Variants in CACNA2D2 observed in about 807,000 individuals in gnomAD.
CACNA2D2 encodes the protein voltage-dependent calcium channel subunit alpha-2/delta-2.
A neutral mutation model predicts 166.4 loss-of-function variants in CACNA2D2; 48 were observed. The ratio of observed to expected loss-of-function variants is 0.29; its 90% CI spans 0.23 to 0.37. The LOEUF (loss-of-function observed/expected upper bound fraction) is 0.37, where lower values mean the gene tolerates loss of function less well. CACNA2D2 is among the 10% of genes least tolerant of loss of function. CACNA2D2 has a pLI of 1.00. For missense variants in CACNA2D2, 1,122 were observed against 1,433.0 expected (o/e 0.78, Z 3.50); for synonymous variants, 561 against 573.7 (o/e 0.98, Z 0.32).
At chr3:50,490,965 C>G (rs376570420) in intron 1 of CACNA2D2, among the ~76,000 whole-genome samples, 79 of 152,320 alleles carry the variant, frequency 5.2e-4, no homozygotes, top group African/African-American at 1.8e-3. Flanking sequence ...AGTGGGACAA[C>G]AGGTGGGTCC....
chr3:50,449,259 C>T (rs1342008691), intron 2 of CACNA2D2, among the ~76,000 whole-genome samples: 6 of 152,192 alleles, frequency 3.9e-5, no homozygotes, highest in African/African-American at 1.4e-4. Flanking sequence ...CAACCCTGGA[C>T]CTAGGACCTC....
At chr3:50,498,632 A>G (rs1340001110) in intron 1 of CACNA2D2, among the ~76,000 whole-genome samples, 1 of 152,224 alleles carries the variant, frequency 6.6e-6, no homozygotes, top group African/African-American at 2.4e-5. Flanking sequence ...CACTGGGGCT[A>G]TAAGCACTGG....
chr3:50,491,637 A>G (rs1698526961), intron 1 of CACNA2D2, among the ~76,000 whole-genome samples: 1 of 152,196 alleles, frequency 6.6e-6, no homozygotes, highest in Non-Finnish European at 1.5e-5. Flanking sequence ...ACTCTGTGAG[A>G]ACAGGCGACA....
At chr3:50,426,469 C>T (rs970800266) in intron 3 of CACNA2D2, among the ~76,000 whole-genome samples, 1 of 152,164 alleles carries the variant, frequency 6.6e-6, no homozygotes, top group African/African-American at 2.4e-5. Context: ...GGGGTGACAC[C>T]AGTCAGGACA....
upstream of CACNA2D2, chr3:50,504,237 C>T (rs570715784): frequency 7.9e-5 from 12 of 152,438 alleles, no homozygotes; most frequent in African/African-American, 2.9e-4. Flanking sequence ...TGCAGCCACT[C>T]GCTTCGCTTC....
chr3:50,421,047 C>T (rs1381202472), intron 3 of CACNA2D2, among the ~76,000 whole-genome samples: 1 of 152,208 alleles, frequency 6.6e-6, no homozygotes, highest in Admixed American at 6.5e-5. Flanking sequence ...AGGCCCTGCT[C>T]ACTGACCTCC....
intron 3 of CACNA2D2, among the ~76,000 whole-genome samples, chr3:50,406,565 C>T (rs28593422): frequency 0.088 from 13,295 of 151,738 alleles, 1,760 homozygotes; most frequent in African/African-American, 0.29. Context: ...CACCAATGTC[C>T]CCATGTTCAC....
chr3:50,484,401 T>C (rs962932713), intron 1 of CACNA2D2, among the ~76,000 whole-genome samples: 4 of 152,086 alleles, frequency 2.6e-5, no homozygotes, highest in African/African-American at 9.7e-5. Flanking sequence ...TGCTGTCATG[T>C]CCCTCCTCTG....
intron 2 of CACNA2D2, among the ~76,000 whole-genome samples, chr3:50,475,243 T>C (rs1314183203): frequency 6.6e-6 from 1 of 152,054 alleles, no homozygotes; most frequent in Non-Finnish European, 1.5e-5. Flanking sequence ...AGGAACACAG[T>C]GGGTATATAA....
intron 3 of CACNA2D2, among the ~76,000 whole-genome samples, chr3:50,418,768 A>C (rs2106829530): frequency 6.6e-6 from 1 of 152,324 alleles, no homozygotes; most frequent in South Asian, 2.1e-4. Context: ...GGATGGAGGA[A>C]TGCAGGGGTG....
rs1326470378 is a variant in CACNA2D2, at chr3:50,367,087, C to T, written c.2424G>A (p.Leu808=). 6.2e-6 allele frequency: 10 copies of T among 1,613,488 alleles called. No individual in the cohort carries two copies. Among genetic ancestry groups the T allele is most frequent in the South Asian group, 1.1e-5 (1 of 91,088 alleles). Residue 808 remains leucine, a synonymous_variant, in exon 28 of 38, where the codon CTG becomes CTA. Coordinates refer to ENST00000424201, the MANE Select transcript of CACNA2D2 (RefSeq NM_006030.4). The surrounding 1 kb of genome is among the most constrained non-coding windows in gnomAD (Gnocchi z 6.5). ...HQDALLRPLE[L]ENDTVGILVS... ...CGAGGATGCCCACAGTGTCATTCTCCAGCTCCAGCGGCCTTAACAGGGCTG... is the reference window on the plus strand; with the variant it reads ...CGAGGATGCCCACAGTGTCATTCTCTAGCTCCAGCGGCCTTAACAGGGCTG...
intron 22 of CACNA2D2, among the ~76,000 whole-genome samples, chr3:50,372,787 GC>G (rs1272476675): frequency 6.6e-6 from 1 of 152,104 alleles, no homozygotes; most frequent in African/African-American, 2.4e-5. Flanking sequence ...GGAGGCAGGG[GC>G]CTCCCCAGAG....
At chr3:50,503,038 G>A (rs1169836248) in intron 1 of CACNA2D2, among the ~76,000 whole-genome samples, 180 bp downstream of exon 1, 2 of 152,206 alleles carry the variant, frequency 1.3e-5, no homozygotes, top group African/African-American at 2.4e-5. Flanking sequence ...GACGCAGCCA[G>A]AGCGCCGGGA....
chr3:50,392,361 G>A (rs1042231876), intron 4 of CACNA2D2, among the ~76,000 whole-genome samples: 9 of 152,180 alleles, frequency 5.9e-5, no homozygotes, highest in Non-Finnish European at 1.2e-4. Flanking sequence ...GTGCTTCCTG[G>A]GAAGAACAGT....
chr3:50,493,153 T>G lies in CACNA2D2; in HGVS notation c.206+10065A>C, dbSNP rs578138297. ...CCAACTCCCACCCTCAAGCCTCTCC[T>G]CTGACCCTGCAGCCGACACTGCTTC... is the stretch of plus-strand genomic sequence containing the variant. On this transcript the variant is annotated intron_variant, in intron 1 of 37. Coordinates refer to ENST00000424201, the MANE Select transcript of CACNA2D2 (RefSeq NM_006030.4). Among the ~76,000 whole-genome samples the G allele has an allele frequency of 8.6e-4, 131 of 152,296 alleles. No homozygotes were observed. The Middle Eastern group carries it at 0.014, about 16-fold the overall frequency.
intron 5 of CACNA2D2, among the ~76,000 whole-genome samples, chr3:50,386,541 G>A (rs1705617926): frequency 6.6e-6 from 1 of 152,208 alleles, no homozygotes; most frequent in Admixed American, 6.5e-5. Context: ...GCTCAGCCAA[G>A]GGGAAGCACA....
In CACNA2D2 at chr3:50,375,533, C is replaced by T. The variant is rs1328078151; in HGVS notation, c.1907+111G>A. 27 of 1,153,156 alleles carry T rather than the reference C, an allele frequency of 2.3e-5. No homozygotes were observed. The East Asian group carries it at 6.4e-4, about 27-fold the overall frequency. 71.4% of individuals were successfully genotyped at this position (1,153,156 alleles called of 1,614,324 possible). ...AGGGTGAGTAGTGAGCAGCCCTGGC[C>T]ACTGGTGCCCCACTGGGATGGTGGT... is the stretch of plus-strand genomic sequence containing the variant. On this transcript the variant is annotated intron_variant, in intron 21 of 37. Transcript: ENST00000424201. The surrounding 1 kb of genome is among the most constrained non-coding windows in gnomAD (Gnocchi z 4.0).
At position 50,379,187 on chromosome 3, in the gene CACNA2D2, G is replaced by A. The variant is rs1705164883; in HGVS notation, c.1165C>T (p.Arg389Trp). ...ATGATCATCTTGTTGCAGTTGGCCC[G>A]AGTGATGTTGGACTGAGGGGAGTGA... ...FDQLQNSNIT[R>W]ANCNKMIMMF... The change falls in exon 12 of 38, where the codon CGG becomes TGG. Residue 389 changes from arginine (R) to tryptophan (W), a missense_variant. Arg to Trp is a moderately radical substitution (Grantham distance 101, BLOSUM62 -3). Coordinates refer to ENST00000424201, the MANE Select transcript of CACNA2D2 (RefSeq NM_006030.4). This position sits in a 1 kb window ranked among gnomAD's most constrained non-coding sequence, Gnocchi z 6.5. 4 of 1,613,628 alleles carry A rather than the reference G, an allele frequency of 2.5e-6. No individual in the cohort carries two copies. The highest frequency in any genetic ancestry group is 1.7e-6 in the Non-Finnish European group (2 of 1,179,668).
chr3:50,406,603 C>T lies in CACNA2D2; in HGVS notation c.406-12435G>A, dbSNP rs1445616675. Among the ~76,000 whole-genome samples, 5 of 144,048 alleles carry T rather than the reference C, an allele frequency of 3.5e-5. 1 individual carries two copies. The East Asian group carries it at 9.5e-4, about 27-fold the overall frequency. The allele number at this position is 144,048 out of a possible 152,430, so 94.5% of individuals were successfully genotyped here. A position where few individuals can be genotyped will look rare whatever the true frequency, so the allele number is the denominator to read the frequency against. ...CCAACATCCTCCCCATCACCATTGC[C>T]AATATTACTCCATCATCATCAGTGT... On this transcript the variant is annotated intron_variant, in intron 3 of 37. Coordinates refer to ENST00000424201, the MANE Select transcript of CACNA2D2 (RefSeq NM_006030.4).
Sources: allele counts gnomAD v4.1 joint callset (sites outside exome capture counted in the v4.1 genomes callset), GRCh38; gene constraint gnomAD v4.1.1; non-coding constraint Gnocchi (gnomAD v3.1); transcripts MANE v1.5; gene names NCBI Gene and HGNC (gene_info 2026-07-23, HGNC 2026-07-21).